SNX4: variants seen among roughly 807,000 people sequenced by gnomAD.
The protein encoded by SNX4 is sorting nexin 4.
In SNX4, 49 loss-of-function variants were observed where a neutral mutation model predicts 70.8. That is an observed-to-expected ratio of 0.69 (90% CI 0.55 to 0.88). The LOEUF (loss-of-function observed/expected upper bound fraction) is 0.88. SNX4 is among the 40% of genes least tolerant of loss of function. SNX4 has a pLI of 0.00. For missense variants in SNX4, 528 were observed against 544.8 expected, an observed-to-expected ratio of 0.97 and a Z score of 0.31; for synonymous variants, 206 against 183.8, an observed-to-expected ratio of 1.12 and a Z score of -0.98.
intron 5 of SNX4, among the ~76,000 whole-genome samples, chr3:125,495,275 T>TATATATACACACACAC: frequency 1.6e-4 from 13 of 83,060 alleles, no homozygotes; most frequent in Admixed American, 3.4e-4. Context: ...TATATATATA[T>TATATATACACACACAC]ATACACATAC....
At chr3:125,457,471 G>A in intron 10 of SNX4, 106 bp from the exon 11 acceptor site, 2 of 705,506 alleles carry the variant, frequency 2.8e-6, no homozygotes. Context: ...AGGGCAGAAT[G>A]TGTGTGCCCA....
At chr3:125,457,434 G>T in intron 10 of SNX4, 69 bp from the exon 11 acceptor site, 1 of 1,167,040 alleles carries the variant, frequency 8.6e-7, no homozygotes, top group Non-Finnish European at 1.3e-6. Context: ...TTCAAGGGTA[G>T]AGGAGAACCA....
At chr3:125,473,939 A>G (rs1032722017) in intron 8 of SNX4, among the ~76,000 whole-genome samples, 1 of 152,210 alleles carries the variant, frequency 6.6e-6, no homozygotes, top group Non-Finnish European at 1.5e-5. Flanking sequence ...TACAACTCAT[A>G]TTCTCACTAG....
At chr3:125,488,269 A>C (rs909331144) in intron 6 of SNX4, among the ~76,000 whole-genome samples, 1 of 150,884 alleles carries the variant, frequency 6.6e-6, no homozygotes, top group African/African-American at 2.4e-5. Context: ...TGAAGTCAGG[A>C]GTTTGAGACC....
chr3:125,492,367 G>C (rs2107554697), intron 5 of SNX4, among the ~76,000 whole-genome samples: 1 of 151,910 alleles, frequency 6.6e-6, no homozygotes, highest in South Asian at 2.1e-4. Flanking sequence ...TTAAAGGAGG[G>C]TGACCATGTG....
At chr3:125,504,552 CAG>C (rs1042605235) in intron 2 of SNX4, 69 bp downstream of exon 2, 20 of 1,397,024 alleles carry the variant, frequency 1.4e-5, no homozygotes, top group African/African-American at 4.4e-5. Context: ...TGTTATACAG[CAG>C]AGTCTGCATC....
chr3:125,466,282 T>C (rs906187129), intron 9 of SNX4, among the ~76,000 whole-genome samples: 4 of 151,176 alleles, frequency 2.6e-5, no homozygotes, highest in Admixed American at 2.6e-4. Context: ...CTTCCTGTTA[T>C]CACATACAAA....
intron 1 of SNX4, among the ~76,000 whole-genome samples, chr3:125,511,429 C>T (rs1480127273): frequency 6.6e-6 from 1 of 151,864 alleles, no homozygotes; most frequent in African/African-American, 2.4e-5. Flanking sequence ...TTCATCTAAA[C>T]TTTTGGCAGT....
At chr3:125,488,909 G>A (rs965541228) in intron 6 of SNX4, among the ~76,000 whole-genome samples, 22 of 152,280 alleles carry the variant, frequency 1.4e-4, no homozygotes, top group African/African-American at 4.1e-4. Context: ...CCCACCCCAT[G>A]TTAAGTAATT....
intron 5 of SNX4, among the ~76,000 whole-genome samples, chr3:125,492,251 C>T (rs1009466119): frequency 3.3e-5 from 5 of 152,204 alleles, no homozygotes; most frequent in African/African-American, 9.6e-5. Flanking sequence ...GTAAAGCACA[C>T]CCAGTCTGGG....
Position 125,447,639 on chromosome 3 carries a change from C to T in SNX4, c.*140G>A. 5.3e-6 allele frequency: 3 copies of T among 567,964 alleles called. No individual in the cohort carries two copies. Among genetic ancestry groups the T allele is most frequent in the East Asian group, 3.3e-5 (1 of 30,710 alleles). 35.2% of individuals were successfully genotyped at this position (567,964 alleles called of 1,614,324 possible). Reference sequence around the variant, plus strand: ...ATTTTTTGTGCTACATTAACACGACCACAATTAAGTTAAAGAAAGCTGAAT... The same window carrying T: ...ATTTTTTGTGCTACATTAACACGACTACAATTAAGTTAAAGAAAGCTGAAT... On this transcript the variant is annotated 3_prime_UTR_variant, in exon 14 of 14. Coordinates refer to ENST00000251775, the MANE Select transcript of SNX4 (RefSeq NM_003794.4).
chr3:125,480,451 A>G, intron 6 of SNX4, 132 bp from the exon 7 acceptor site: 1 of 391,666 alleles, frequency 2.6e-6, no homozygotes. Context: ...TTAAACATTT[A>G]CACACCAATA....
At chr3:125,496,674 G>A (rs145229166) in intron 5 of SNX4, among the ~76,000 whole-genome samples, 2 of 152,188 alleles carry the variant, frequency 1.3e-5, no homozygotes, top group African/African-American at 4.8e-5. Context: ...CAGCAGCATA[G>A]AACTCAAGTG....
At chr3:125,486,529 G>C (rs1934538333) in intron 6 of SNX4, among the ~76,000 whole-genome samples, 1 of 152,164 alleles carries the variant, frequency 6.6e-6, no homozygotes, top group South Asian at 2.1e-4. Flanking sequence ...AGGAGGCTGA[G>C]GCAGGAGAAT....
intron 6 of SNX4, among the ~76,000 whole-genome samples, chr3:125,487,306 T>C (rs1934552749): frequency 6.6e-6 from 1 of 152,078 alleles, no homozygotes. Flanking sequence ...AGCAAGAACA[T>C]AAGGGCAAAA....
At chr3:125,493,680 G>T (rs971354830) in intron 5 of SNX4, among the ~76,000 whole-genome samples, 2 of 149,000 alleles carry the variant, frequency 1.3e-5, no homozygotes, top group Non-Finnish European at 3.0e-5. Context: ...AAGAAAAAAA[G>T]AAACTAAATT....
chr3:125,481,779 G>A (rs929546432), intron 6 of SNX4, among the ~76,000 whole-genome samples: 1 of 152,204 alleles, frequency 6.6e-6, no homozygotes, highest in Non-Finnish European at 1.5e-5. Context: ...CTCTCAGAGG[G>A]ATGTGAATAC....
At chr3:125,477,241 C>A (rs6772630) in intron 7 of SNX4, among the ~76,000 whole-genome samples, 82,172 of 151,956 alleles carry the variant, frequency 0.54, 23,908 homozygotes, top group African/African-American at 0.77. Context: ...ACCAAGGGAA[C>A]GGATACATTT....
Position 125,489,410 on chromosome 3 carries a change from GTCTGGGTTTT to G in SNX4, c.641_650del (p.Lys214ThrfsTer28). 6.2e-7 allele frequency: 1 copy of G among 1,611,226 alleles called. No individual in the cohort carries two copies. The highest frequency in any genetic ancestry group is 8.5e-7 in the Non-Finnish European group (1 of 1,177,944). On this transcript the variant is annotated frameshift_variant, in exon 6 of 14. Transcript: ENST00000251775. LOFTEE classifies it high-confidence loss of function. ...CTGTTATTAAAACAAAACCTTACTT[GTCTGGGTTTT>G]TCACTCTGAATGTTGCATTAAGCGC...
Sources: allele counts gnomAD v4.1 joint callset (sites outside exome capture counted in the v4.1 genomes callset), GRCh38; gene constraint gnomAD v4.1.1; transcripts MANE v1.5; gene names NCBI Gene and HGNC (gene_info 2026-07-23, HGNC 2026-07-21).